Variants in KIF16B observed in about 807,000 individuals in gnomAD.
The protein encoded by KIF16B is kinesin-like protein KIF16B.
A neutral mutation model predicts 156.3 loss-of-function variants in KIF16B; 98 were observed. The ratio of observed to expected loss-of-function variants is 0.63; its 90% CI spans 0.53 to 0.74. The LOEUF is 0.74. KIF16B is among the 30% of genes least tolerant of loss of function. The pLI, the probability that KIF16B is intolerant of heterozygous loss-of-function variation, is 0.00. For synonymous variants in KIF16B, 564 were observed against 583.7 expected (o/e 0.97, Z 0.49); for missense variants, 1,421 against 1,606.5 (o/e 0.88, Z 1.97).
intron 25 of KIF16B, among the ~76,000 whole-genome samples, chr20:16,292,803 T>C (rs2063331996): frequency 6.6e-6 from 1 of 152,212 alleles, no homozygotes; most frequent in African/African-American, 2.4e-5. Flanking sequence ...CTGACATCAA[T>C]GGAAATAAAT....
In KIF16B at chr20:16,331,670, G is replaced by A. The variant is rs528731141; in HGVS notation, c.3711+4256C>T. ...AATGAGCCCAATCTGGTGAAGGAGCGAAGTAAATAAAATATGTTCCCACTT... is the reference window on the plus strand; with the variant it reads ...AATGAGCCCAATCTGGTGAAGGAGCAAAGTAAATAAAATATGTTCCCACTT... On this transcript the variant is annotated intron_variant, in intron 24 of 25. Transcript: ENST00000354981. 5.3e-5 allele frequency among the ~76,000 whole-genome samples: 8 copies of A among 152,222 alleles called. No homozygotes were observed. The East Asian group carries it at 9.7e-4, about 18-fold the overall frequency.
At chr20:16,300,848 C>T (rs2063461625) in intron 25 of KIF16B, among the ~76,000 whole-genome samples, 1 of 152,090 alleles carries the variant, frequency 6.6e-6, no homozygotes. Context: ...CATTATCACC[C>T]AAAGTCTATA....
intron 15 of KIF16B, among the ~76,000 whole-genome samples, chr20:16,423,040 A>T (rs1377667170): frequency 6.6e-6 from 1 of 152,128 alleles, no homozygotes; most frequent in African/African-American, 2.4e-5. Context: ...CTGGAACAAC[A>T]GGAGGGCCAA....
chr20:16,507,380 C>G (rs2068817453), intron 7 of KIF16B, among the ~76,000 whole-genome samples: 1 of 152,168 alleles, frequency 6.6e-6, no homozygotes, highest in African/African-American at 2.4e-5. Flanking sequence ...TAGACCCTGA[C>G]AGGACCCTAC....
At chr20:16,400,232 T>C (rs1426680589) in intron 17 of KIF16B, among the ~76,000 whole-genome samples, 1 of 152,234 alleles carries the variant, frequency 6.6e-6, no homozygotes, top group African/African-American at 2.4e-5. Context: ...TTTCTTTCTA[T>C]ATTTTTAAAC....
At chr20:16,377,238 T>A (rs1831926894) in intron 19 of KIF16B, among the ~76,000 whole-genome samples, 1 of 151,864 alleles carries the variant, frequency 6.6e-6, no homozygotes, top group Admixed American at 6.6e-5. Context: ...AGGGCAAGGT[T>A]TCATCTCTCC....
chr20:16,423,194 A>T (rs931988055), intron 15 of KIF16B, among the ~76,000 whole-genome samples: 5 of 152,132 alleles, frequency 3.3e-5, no homozygotes, highest in African/African-American at 1.2e-4. Flanking sequence ...TTTATAAACC[A>T]ATGAACCCAG....
intron 15 of KIF16B, among the ~76,000 whole-genome samples, chr20:16,425,608 T>G (rs1296669876): frequency 6.6e-6 from 1 of 152,108 alleles, no homozygotes; most frequent in Non-Finnish European, 1.5e-5. Context: ...TCCCACATAC[T>G]TACTAATAAC....
intron 23 of KIF16B, among the ~76,000 whole-genome samples, chr20:16,339,344 TTA>T (rs2064100086): frequency 6.6e-6 from 1 of 152,180 alleles, no homozygotes; most frequent in African/African-American, 2.4e-5. Context: ...TGCTACACTT[TTA>T]TCTTAGTTTT....
chr20:16,283,224 CCATCCTGTTTTCCT>C (rs2063173398), intron 25 of KIF16B, among the ~76,000 whole-genome samples: 1 of 152,196 alleles, frequency 6.6e-6, no homozygotes, highest in Non-Finnish European at 1.5e-5. Flanking sequence ...CGGCTCCACC[CCATCCTGTTTTCCT>C]GGGGTGGGCT....
chr20:16,484,453 C>T (rs965767279), intron 12 of KIF16B, among the ~76,000 whole-genome samples: 6 of 152,184 alleles, frequency 3.9e-5, no homozygotes, highest in African/African-American at 1.4e-4. Flanking sequence ...TCTTAAAATA[C>T]AGTTGCAAGA....
chr20:16,379,533 C>T lies in KIF16B; in HGVS notation c.2469G>A (p.Leu823=). Residue 823 remains leucine (L), a synonymous_variant, in exon 19 of 26, where the codon CTG becomes CTA. Coordinates refer to ENST00000354981, the MANE Select transcript of KIF16B (RefSeq NM_024704.5). ...EDGEELEKAQ[L]RFFEFKRRQL... ...GCCTTCTCTTGAATTCGAAGAAACG[C>T]AGTTGAGCCTTTTCTAACTCCTCGC... is the stretch of plus-strand genomic sequence containing the variant. 1.9e-6 allele frequency: 3 copies of T among 1,614,148 alleles called. No homozygotes were observed. Among genetic ancestry groups the T allele is most frequent in the South Asian group, 2.2e-5 (2 of 91,084 alleles).
At position 16,273,061 on chromosome 20, in the gene KIF16B, A is replaced by T; in HGVS notation, c.*192T>A. ...AACGGCTGCCTGTCAGGGCCACATC[A>T]GCAGGCAGAGCATCCCATCCCCAAA... On this transcript the variant is annotated 3_prime_UTR_variant, in exon 26 of 26. Transcript: ENST00000354981. 1.7e-6 allele frequency: 1 copy of T among 590,364 alleles called. No homozygotes were observed. Among genetic ancestry groups the T allele is most frequent in the Non-Finnish European group, 3.0e-6 (1 of 330,548 alleles). 36.6% of individuals were successfully genotyped at this position (590,364 alleles called of 1,614,324 possible). A position where few individuals can be genotyped will look rare whatever the true frequency, so the allele number is the denominator to read the frequency against.
In KIF16B at chr20:16,371,695, T is replaced by A; in HGVS notation, c.3417A>T (p.Glu1139Asp). 6.2e-7 allele frequency: 1 copy of A among 1,613,790 alleles called. No individual in the cohort carries two copies. The change falls in exon 21 of 26, where the codon GAA (glutamate) becomes GAT (aspartate). Residue 1139 changes from glutamate (E) to aspartate (D), a missense_variant. Transcript: ENST00000354981. ...RLQDLHRVISEGCSTSADTMK... is the reference protein window; with the variant it reads ...RLQDLHRVISDGCSTSADTMK... ...TCGTGTCTGCAGATGTACTGCAGCC[T>A]TCACTAATCACACGATGCAAATCCT...
chr20:16,340,751 C>G (rs747933947), intron 23 of KIF16B, among the ~76,000 whole-genome samples: 2 of 152,172 alleles, frequency 1.3e-5, no homozygotes, highest in Non-Finnish European at 2.9e-5. Flanking sequence ...TGAAATGGTA[C>G]TTCGAACCTG....
chr20:16,406,337 A>T (rs1600308804), intron 16 of KIF16B, 37 bp downstream of exon 16: 2 of 1,574,522 alleles, frequency 1.3e-6, no homozygotes, highest in East Asian at 4.5e-5. Flanking sequence ...CTCACATACG[A>T]TCAGTGGTTC....
chr20:16,376,546 G>A (rs1360820827), intron 19 of KIF16B, among the ~76,000 whole-genome samples: 1 of 152,204 alleles, frequency 6.6e-6, no homozygotes, highest in African/African-American at 2.4e-5. Context: ...GAAAGCTGCG[G>A]GGGTATCGCA....
chr20:16,332,994 G>A (rs1216482794), intron 24 of KIF16B, among the ~76,000 whole-genome samples: 1 of 152,090 alleles, frequency 6.6e-6, no homozygotes, highest in Non-Finnish European at 1.5e-5. Flanking sequence ...CCTTTTAAGT[G>A]TATAAATAAA....
At chr20:16,386,226 C>T (rs1046023218) in intron 17 of KIF16B, among the ~76,000 whole-genome samples, 11 of 151,968 alleles carry the variant, frequency 7.2e-5, no homozygotes, top group South Asian at 4.2e-4. Context: ...TTCACAGTGA[C>T]GGGCAGAGAT....
Sources: gnomAD v4.1 joint callset for allele counts (sites outside exome capture counted in the v4.1 genomes callset) on GRCh38, gnomAD v4.1.1 for gene constraint, MANE v1.5 for transcripts, NCBI Gene and HGNC (gene_info 2026-07-23, HGNC 2026-07-21) for gene names.